Variants in DYNC1I1 observed in about 807,000 individuals in gnomAD.
DYNC1I1 encodes cytoplasmic dynein 1 intermediate chain 1.
DYNC1I1 carries 43 observed loss-of-function variants against 86.6 expected under a neutral mutation model. That is an observed-to-expected ratio of 0.50 (90% CI 0.39 to 0.64). DYNC1I1 has a LOEUF of 0.64. Ranked by LOEUF, DYNC1I1 falls within the 30% of genes least tolerant of loss-of-function variation. DYNC1I1 has a pLI of 0.00. For missense variants in DYNC1I1, 604 were observed against 788.8 expected, an observed-to-expected ratio of 0.77 and a Z score of 2.81; for synonymous variants, 262 against 283.7, an observed-to-expected ratio of 0.92 and a Z score of 0.77.
chr7:95,895,422 T>C (rs1167124365), intron 6 of DYNC1I1, among the ~76,000 whole-genome samples: 4 of 152,190 alleles, frequency 2.6e-5, no homozygotes, highest in Non-Finnish European at 5.9e-5. Context: ...CTCATGTGGT[T>C]GTACGAGGAT....
intron 7 of DYNC1I1, 60 bp downstream of exon 7, chr7:95,977,661 T>C: frequency 1.3e-6 from 2 of 1,508,128 alleles, no homozygotes; most frequent in South Asian, 1.2e-5. Context: ...TTGCCTTTAC[T>C]AATATAAGAG....
intron 6 of DYNC1I1, among the ~76,000 whole-genome samples, chr7:95,923,466 C>G (rs141289460): frequency 4.6e-5 from 7 of 152,158 alleles, no homozygotes; most frequent in African/African-American, 1.7e-4. Context: ...ACTTGTATTT[C>G]GCTTATTTTG....
chr7:95,784,493 C>T (rs1177971186), intron 1 of DYNC1I1, among the ~76,000 whole-genome samples: 2 of 152,032 alleles, frequency 1.3e-5, no homozygotes, highest in Non-Finnish European at 2.9e-5. Context: ...TTTTCTTTGC[C>T]TCTCCCACCC....
Position 96,015,402 on chromosome 7 carries a change from A to C in DYNC1I1, c.970-12773A>C, listed in dbSNP as rs183850006. ...TCTAGACTCTTTTTCCTGAACTGGA[A>C]ATTTCAGCCTCTATGTAAATGCCCC... On this transcript the variant is annotated intron_variant, in intron 10 of 16. Transcript: ENST00000447467. 8.3e-4 allele frequency among the ~76,000 whole-genome samples: 126 copies of C among 152,248 alleles called. 1 individual carries two copies. Among genetic ancestry groups the C allele is most frequent in the Non-Finnish European group, 1.5e-3 (104 of 68,010 alleles).
chr7:95,967,184 A>C (rs1256860997), intron 6 of DYNC1I1, among the ~76,000 whole-genome samples: 2 of 152,212 alleles, frequency 1.3e-5, no homozygotes, highest in African/African-American at 4.8e-5. Flanking sequence ...TTCTACTTAC[A>C]ATTTATATAT....
chr7:95,880,556 C>T (rs1006169621), intron 6 of DYNC1I1, among the ~76,000 whole-genome samples: 1 of 151,906 alleles, frequency 6.6e-6, no homozygotes, highest in Non-Finnish European at 1.5e-5. Context: ...CCAGCCTTAC[C>T]TGTGAGAGAG....
At position 95,998,614 on chromosome 7, in the gene DYNC1I1, G is replaced by T. The variant is rs73397070; in HGVS notation, c.969+2541G>T. Among the ~76,000 whole-genome samples, 269 of 152,350 alleles carry T rather than the reference G, an allele frequency of 1.8e-3. 2 individuals are homozygous for T. Among genetic ancestry groups the T allele is most frequent in the African/African-American group, 6.2e-3 (258 of 41,582 alleles). On this transcript the variant is annotated intron_variant, in intron 10 of 16. Coordinates refer to ENST00000447467, the MANE Select transcript of DYNC1I1 (RefSeq NM_001135556.2). ...TGAATGTGCTTCCGCATTCTCCTGT[G>T]ATGTTCTGATAATTTCAAAATTAGA...
At chr7:95,908,588 T>G (rs1372919377) in intron 6 of DYNC1I1, among the ~76,000 whole-genome samples, 1 of 152,138 alleles carries the variant, frequency 6.6e-6, no homozygotes, top group African/African-American at 2.4e-5. Flanking sequence ...AGCTAATCTG[T>G]AGGATTTAGC....
intron 1 of DYNC1I1, among the ~76,000 whole-genome samples, chr7:95,793,018 G>A (rs1308285013): frequency 6.6e-6 from 1 of 152,088 alleles, no homozygotes; most frequent in Non-Finnish European, 1.5e-5. Context: ...TTTTCTAACA[G>A]TGTTTTAAAC....
At chr7:95,915,947 A>C (rs1266971436) in intron 6 of DYNC1I1, among the ~76,000 whole-genome samples, 1 of 152,198 alleles carries the variant, frequency 6.6e-6, no homozygotes, top group Non-Finnish European at 1.5e-5. Context: ...AACAACAACA[A>C]AGTGATCTCC....
At chr7:96,024,138 C>T (rs2115933622) in intron 10 of DYNC1I1, among the ~76,000 whole-genome samples, 1 of 152,226 alleles carries the variant, frequency 6.6e-6, no homozygotes, top group Non-Finnish European at 1.5e-5. Flanking sequence ...AAATCAATAG[C>T]CTTGTGAAAA....
At chr7:96,107,215 A>G (rs1243226018) in intron 16 of DYNC1I1, among the ~76,000 whole-genome samples, 1 of 151,950 alleles carries the variant, frequency 6.6e-6, no homozygotes, top group Non-Finnish European at 1.5e-5. Flanking sequence ...TTTTTAGTAG[A>G]GACAGGGTTT....
intron 6 of DYNC1I1, among the ~76,000 whole-genome samples, chr7:95,954,319 C>A (rs963841136): frequency 2.0e-5 from 3 of 151,222 alleles, no homozygotes; most frequent in African/African-American, 4.9e-5. Flanking sequence ...CAATTAAGGT[C>A]AAATAAAATT....
chr7:96,093,943 T>C (rs1354855929), intron 16 of DYNC1I1, among the ~76,000 whole-genome samples: 3 of 152,138 alleles, frequency 2.0e-5, no homozygotes, highest in African/African-American at 4.8e-5. Flanking sequence ...TAATAGAAAC[T>C]TGAAGAGATG....
At position 96,026,863 on chromosome 7, in the gene DYNC1I1, A is replaced by G. The variant is rs187217416; in HGVS notation, c.970-1312A>G. Reference sequence around the variant, plus strand: ...TAAAACAAATCTTCCCCTTCCATCTATCCCCCTCACACACAGAGACACACC... The same window carrying G: ...TAAAACAAATCTTCCCCTTCCATCTGTCCCCCTCACACACAGAGACACACC... On this transcript the variant is annotated intron_variant, in intron 10 of 16. Coordinates refer to ENST00000447467, the MANE Select transcript of DYNC1I1 (RefSeq NM_001135556.2). 4.0e-5 allele frequency among the ~76,000 whole-genome samples: 6 copies of G among 151,886 alleles called. No homozygotes were observed. In the East Asian group the frequency reaches 1.2e-3, roughly 29 times the overall value.
intron 2 of DYNC1I1, among the ~76,000 whole-genome samples, chr7:95,808,318 CT>C (rs34043966): frequency 3.9e-5 from 6 of 152,070 alleles, no homozygotes; most frequent in East Asian, 3.9e-4. Context: ...ACTAAGTGCC[CT>C]TTTTTTGCCA....
At chr7:96,044,191 GTCTC>G (rs1297423803) in intron 14 of DYNC1I1, among the ~76,000 whole-genome samples, 2 of 152,148 alleles carry the variant, frequency 1.3e-5, no homozygotes, top group Non-Finnish European at 2.9e-5. Flanking sequence ...ATTGATATTA[GTCTC>G]TCTATCTCTG....
Position 95,780,828 on chromosome 7 carries a change from T to G in DYNC1I1, c.-10+8055T>G, listed in dbSNP as rs10228168. The stretch of plus-strand genomic sequence containing the variant: ...TCAGAACCAACTTGTGGAATGTCAG[T>G]TGGTGGGTTTGGATGATGGAAAAGG... On this transcript the variant is annotated intron_variant, in intron 1 of 16. Coordinates refer to ENST00000447467, the MANE Select transcript of DYNC1I1 (RefSeq NM_001135556.2). Among the ~76,000 whole-genome samples, 1,320 of 152,114 alleles carry G rather than the reference T, an allele frequency of 8.7e-3. 20 individuals carry two copies. The highest frequency in any genetic ancestry group is 0.031 in the African/African-American group (1,267 of 41,490).
At chr7:96,026,705 A>T (rs889536637) in intron 10 of DYNC1I1, among the ~76,000 whole-genome samples, 1 of 151,970 alleles carries the variant, frequency 6.6e-6, no homozygotes, top group East Asian at 1.9e-4. Context: ...TCATTATCCT[A>T]TCCTTCAGGA....
Sources: allele counts gnomAD v4.1 joint callset (sites outside exome capture counted in the v4.1 genomes callset), GRCh38; gene constraint gnomAD v4.1.1; transcripts MANE v1.5; gene names NCBI Gene and HGNC (gene_info 2026-07-23, HGNC 2026-07-21).